The following DCAF4 variants were observed in gnomAD, a reference collection of about 807,000 sequenced individuals.
DCAF4 encodes the protein DDB1 and CUL4 associated factor 4.
In DCAF4, 37 loss-of-function variants were observed where a neutral mutation model predicts 60.9. That is an observed-to-expected ratio of 0.61 (90% CI 0.47 to 0.80). The LOEUF is 0.80. DCAF4 is among the 30% of genes least tolerant of loss of function. The pLI, the probability that DCAF4 is intolerant of heterozygous loss-of-function variation, is 0.00. For synonymous variants in DCAF4, 243 were observed against 254.8 expected (o/e 0.95, Z 0.44); for missense variants, 577 against 650.0 (o/e 0.89, Z 1.22).
intron 9 of DCAF4, among the ~76,000 whole-genome samples, chr14:72,952,129 C>G (rs1470498090): frequency 6.6e-6 from 1 of 152,210 alleles, no homozygotes; most frequent in Admixed American, 6.5e-5. Context: ...GAGCTCAGAA[C>G]AGATTCGGAC....
Position 72,958,838 on chromosome 14 carries a change from T to G in DCAF4, c.*33T>G. 1 of 1,518,490 alleles carries G rather than the reference T, an allele frequency of 6.6e-7. No homozygotes were observed. The highest frequency in any genetic ancestry group is 8.8e-7 in the Non-Finnish European group (1 of 1,135,074). The allele number at this position is 1,518,490 out of a possible 1,614,324, so 94.1% of individuals were successfully genotyped here. On this transcript the variant is annotated 3_prime_UTR_variant, in exon 14 of 14. Transcript: ENST00000358377. Reference sequence around the variant, plus strand: ...GGGCACAGCCCAGAGCCATGTGGATTTGACTTACGGGAGTAAAGCGTAACT... The same window carrying G: ...GGGCACAGCCCAGAGCCATGTGGATGTGACTTACGGGAGTAAAGCGTAACT...
At position 72,947,032 on chromosome 14, in the gene DCAF4, G is replaced by C. The variant is rs547673612; in HGVS notation, c.679-110G>C. The C allele has an allele frequency of 2.3e-5, 33 of 1,404,500 alleles. No individual in the cohort carries two copies. In the African/African-American group the frequency reaches 4.3e-4, roughly 18 times the overall value. The allele number at this position is 1,404,500 out of a possible 1,614,324, so 87.0% of individuals were successfully genotyped here. A position where few individuals can be genotyped will look rare whatever the true frequency, so the allele number is the denominator to read the frequency against. Reference sequence around the variant, plus strand: ...TGCTTGTTCCAGCCCATTTGAAGAGGAGCAGGACGTGAAGAGAGAAGTCAC... The same window carrying C: ...TGCTTGTTCCAGCCCATTTGAAGAGCAGCAGGACGTGAAGAGAGAAGTCAC... On this transcript the variant is annotated intron_variant, in intron 7 of 13. Transcript: ENST00000358377.
At chr14:72,950,010 C>T (rs911701627) in intron 8 of DCAF4, among the ~76,000 whole-genome samples, 3 of 152,066 alleles carry the variant, frequency 2.0e-5, no homozygotes, top group African/African-American at 7.2e-5. Context: ...CCAGGGACCC[C>T]TAATAGGAGG....
At chr14:72,928,138 G>T (rs1887887225) in intron 1 of DCAF4, among the ~76,000 whole-genome samples, 1 of 142,274 alleles carries the variant, frequency 7.0e-6, no homozygotes, top group South Asian at 2.2e-4. Flanking sequence ...CAGACCAGTG[G>T]CGTTAGCGTT....
At chr14:72,947,899 C>G (rs1341667171) in intron 8 of DCAF4, among the ~76,000 whole-genome samples, 1 of 152,076 alleles carries the variant, frequency 6.6e-6, no homozygotes, top group African/African-American at 2.4e-5. Flanking sequence ...CCTCTGGGAC[C>G]CTTGGGGGCT....
At chr14:72,952,239 C>A (rs1891516887) in intron 9 of DCAF4, among the ~76,000 whole-genome samples, 1 of 152,194 alleles carries the variant, frequency 6.6e-6, no homozygotes, top group South Asian at 2.1e-4. Context: ...CAATTTGACT[C>A]CTCCTTCCTG....
intron 1 of DCAF4, 146 bp from the exon 2 acceptor site, chr14:72,937,825 T>A: frequency 1.6e-6 from 2 of 1,271,134 alleles, no homozygotes; most frequent in East Asian, 2.8e-5. Context: ...CCTTCCCAGG[T>A]AAGGCTTGCT....
intron 6 of DCAF4, among the ~76,000 whole-genome samples, chr14:72,944,629 C>A (rs574599456): frequency 6.6e-6 from 1 of 152,050 alleles, no homozygotes; most frequent in South Asian, 2.1e-4. Flanking sequence ...CCCGTCTCTA[C>A]AAAAAAATAT....
At position 72,953,749 on chromosome 14, in the gene DCAF4, ATATATATATATATAGTTT is replaced by A. The variant is rs1344011397; in HGVS notation, c.809-414_809-397del. Among the ~76,000 whole-genome samples the A allele has an allele frequency of 2.3e-4, 19 of 81,938 alleles. 4 individuals carry two copies. The highest frequency in any genetic ancestry group is 3.3e-4 in the African/African-American group (7 of 21,226). 53.8% of individuals were successfully genotyped at this position (81,938 alleles called of 152,430 possible). A position where few individuals can be genotyped will look rare whatever the true frequency, so the allele number is the denominator to read the frequency against. On this transcript the variant is annotated intron_variant, in intron 9 of 13. Transcript: ENST00000358377. ...AAAAAAAAAATATATATATATATAT[ATATATATATATATAGTTT>A]ATTTATTTATTTATTTGTGTGTGTG...
chr14:72,948,743 T>C (rs909542848), intron 8 of DCAF4, among the ~76,000 whole-genome samples: 2 of 152,218 alleles, frequency 1.3e-5, no homozygotes, highest in Non-Finnish European at 2.9e-5. Context: ...GCTGAAGATT[T>C]TTTGTGCTGC....
Position 72,938,085 on chromosome 14 carries a change from C to T in DCAF4, c.92+15C>T, listed in dbSNP as rs1179640822. On this transcript the variant is annotated intron_variant, in intron 2 of 13. Transcript: ENST00000358377. Reference sequence around the variant, plus strand: ...TCTGAAGACAGGCAAGTGTGCCGCTCTGGGGAGCCACTTTTGCCCAGTGTG... The same window carrying T: ...TCTGAAGACAGGCAAGTGTGCCGCTTTGGGGAGCCACTTTTGCCCAGTGTG... The T allele has an allele frequency of 1.3e-6, 2 of 1,588,864 alleles. No homozygotes were observed. Among genetic ancestry groups the T allele is most frequent in the Admixed American group, 1.9e-5 (1 of 52,382 alleles).
Position 72,942,977 on chromosome 14 carries a change from A to G in DCAF4, c.432-17A>G. ...TGTCAGCTTCAGCATCCATGCCCCC[A>G]CCCTCTGTTTCTGCAGTTTAGCCCA... On this transcript the variant is annotated splice_polypyrimidine_tract_variant and intron_variant, in intron 5 of 13. Transcript: ENST00000358377. 6.2e-7 allele frequency: 1 copy of G among 1,612,840 alleles called. No individual in the cohort carries two copies. The highest frequency in any genetic ancestry group is 8.5e-7 in the Non-Finnish European group (1 of 1,179,292).
At chr14:72,942,812 T>A (rs766369125) in intron 5 of DCAF4, 182 bp from the exon 6 acceptor site, 10 of 594,886 alleles carry the variant, frequency 1.7e-5, no homozygotes, top group Non-Finnish European at 2.4e-5. Flanking sequence ...TCCTGAGCGT[T>A]CTGTGGGGAA....
chr14:72,960,764 G>T, downstream of DCAF4: 1 of 834,402 alleles, frequency 1.2e-6, no homozygotes, highest in South Asian at 4.5e-5. Context: ...CCTGGTTGAG[G>T]GGAAGAGGCC....
In DCAF4 at chr14:72,937,964, C is replaced by CT. The variant is rs1889517339; in HGVS notation, c.-8-3dup. ...GATGTATGGATTTTTTTGTTTTTCT[C>CT]TTTTAGGAACAGAAATGAATAAAAG... is the stretch of plus-strand genomic sequence containing the variant. On this transcript the variant is annotated splice_polypyrimidine_tract_variant and splice_region_variant and intron_variant, in intron 1 of 13. Coordinates refer to ENST00000358377, the MANE Select transcript of DCAF4 (RefSeq NM_015604.4). 1 of 1,582,444 alleles carries CT rather than the reference C, an allele frequency of 6.3e-7. No individual in the cohort carries two copies. The highest frequency in any genetic ancestry group is 8.5e-7 in the Non-Finnish European group (1 of 1,170,552).
Position 72,938,075 on chromosome 14 carries a change from G to A in DCAF4, c.92+5G>A, listed in dbSNP as rs775146316. 2 of 1,600,610 alleles carry A rather than the reference G, an allele frequency of 1.2e-6. No homozygotes were observed. The highest frequency in any genetic ancestry group is 1.8e-5 in the Admixed American group (1 of 55,826). ...ACTCCGTGATTCTGAAGACAGGCAA[G>A]TGTGCCGCTCTGGGGAGCCACTTTT... is the stretch of plus-strand genomic sequence containing the variant. On this transcript the variant is annotated splice_donor_5th_base_variant and intron_variant, in intron 2 of 13. Transcript: ENST00000358377.
intron 1 of DCAF4, among the ~76,000 whole-genome samples, chr14:72,928,492 G>C (rs1274824004): frequency 6.6e-6 from 1 of 151,044 alleles, no homozygotes; most frequent in African/African-American, 2.4e-5. Context: ...ACCGCGCCCG[G>C]CCAGTCTACA....
chr14:72,953,732 A>AAAAAATATATATAT (rs1555527852), intron 9 of DCAF4, among the ~76,000 whole-genome samples: 1 of 21,766 alleles, frequency 4.6e-5, no homozygotes. Flanking sequence ...AAAAAAAAAA[A>AAAAAATATATATAT]ATATATATAT....
At position 72,953,732 on chromosome 14, in the gene DCAF4, A is replaced by ATATAT. The variant is rs1200407934; in HGVS notation, c.809-432_809-431insTATAT. Reference sequence around the variant, plus strand: ...CTTAAAAAAAAAAAAAAAAAAAAAAAATATATATATATATATATATATATA... The same window carrying ATATAT: ...CTTAAAAAAAAAAAAAAAAAAAAAAATATATATATATATATATATATATATATATA... On this transcript the variant is annotated intron_variant, in intron 9 of 13. Coordinates refer to ENST00000358377, the MANE Select transcript of DCAF4 (RefSeq NM_015604.4). 1.2e-3 allele frequency among the ~76,000 whole-genome samples: 26 copies of ATATAT among 21,762 alleles called. 3 individuals carry two copies. The highest frequency in any genetic ancestry group is 5.8e-3 in the African/African-American group (25 of 4,296). 14.3% of individuals were successfully genotyped at this position (21,762 alleles called of 152,430 possible).
Sources: allele counts gnomAD v4.1 joint callset (sites outside exome capture counted in the v4.1 genomes callset), GRCh38; gene constraint gnomAD v4.1.1; transcripts MANE v1.5; gene names NCBI Gene and HGNC (gene_info 2026-07-23, HGNC 2026-07-21).